Variants in ZNF608 observed in about 807,000 individuals in gnomAD.
ZNF608 encodes the protein zinc finger protein 608.
Under a neutral mutation model 109.0 loss-of-function variants are expected in ZNF608, and 12 were observed. That is an observed-to-expected ratio of 0.11 (90% CI 0.07 to 0.18). The LOEUF is 0.18. ZNF608 is among the 10% of genes least tolerant of loss of function. ZNF608 has a pLI of 1.00. For missense variants in ZNF608, 1,707 were observed against 1,879.3 expected, an observed-to-expected ratio of 0.91 and a Z score of 1.70; for synonymous variants, 732 against 717.4, an observed-to-expected ratio of 1.02 and a Z score of -0.33.
At chr5:124,716,348 A>G (rs1341545741) in intron 2 of ZNF608, among the ~76,000 whole-genome samples, 1 of 151,176 alleles carries the variant, frequency 6.6e-6, no homozygotes, top group Non-Finnish European at 1.5e-5. Flanking sequence ...AAAAAAAAAG[A>G]GGGGATTTCC....
intron 2 of ZNF608, among the ~76,000 whole-genome samples, chr5:124,726,046 C>T (rs182433857): frequency 1.7e-3 from 259 of 152,300 alleles, no homozygotes; most frequent in Non-Finnish European, 3.0e-3. Context: ...ACCCCAGAAA[C>T]GATTTGTGCT....
chr5:124,709,033 G>T (rs1032917315), intron 2 of ZNF608, among the ~76,000 whole-genome samples: 1 of 151,902 alleles, frequency 6.6e-6, no homozygotes, highest in African/African-American at 2.4e-5. Flanking sequence ...TTAGCTGGGC[G>T]TGGTAGCGGC....
chr5:124,678,439 T>C (rs77529047), intron 3 of ZNF608, among the ~76,000 whole-genome samples: 1,833 of 152,268 alleles, frequency 0.012, 33 homozygotes, highest in African/African-American at 0.042. Context: ...TTTTTCTACA[T>C]TCCCCTTCTA....
At chr5:124,690,071 A>G (rs1335223646) in intron 3 of ZNF608, among the ~76,000 whole-genome samples, 1 of 152,240 alleles carries the variant, frequency 6.6e-6, no homozygotes, top group African/African-American at 2.4e-5. Flanking sequence ...TTGAGCCACA[A>G]GAAGACATGG....
chr5:124,699,828 T>A (rs1012241851), intron 3 of ZNF608, among the ~76,000 whole-genome samples: 1 of 152,208 alleles, frequency 6.6e-6, no homozygotes, highest in African/African-American at 2.4e-5. Context: ...CCTTAACTAT[T>A]TTTTCTCAAC....
chr5:124,678,054 A>C (rs781529674), intron 3 of ZNF608, among the ~76,000 whole-genome samples: 29 of 152,348 alleles, frequency 1.9e-4, no homozygotes, highest in Non-Finnish European at 2.6e-4. Flanking sequence ...GGCTTTTGGC[A>C]GCCAACCCTT....
At chr5:124,669,752 T>G (rs1044812764) in intron 3 of ZNF608, among the ~76,000 whole-genome samples, 2 of 152,094 alleles carry the variant, frequency 1.3e-5, no homozygotes, top group East Asian at 3.9e-4. Flanking sequence ...TTCCCAAAAC[T>G]CGCCAGATGA....
At chr5:124,746,736 G>T, upstream of ZNF608, 3 of 985,172 alleles carry the variant, frequency 3.0e-6, no homozygotes, top group Admixed American at 1.8e-4. Context: ...CCTGTTAGTC[G>T]GGAAGTGGCA....
chr5:124,743,080 C>T lies in ZNF608; in HGVS notation c.906+1004G>A, dbSNP rs532361737. Among the ~76,000 whole-genome samples the T allele has an allele frequency of 1.7e-4, 26 of 152,306 alleles. 1 individual carries two copies. The highest frequency in any genetic ancestry group is 6.8e-3 in the Middle Eastern group (2 of 294). On this transcript the variant is annotated intron_variant, in intron 2 of 9. Coordinates refer to ENST00000513986, the MANE Select transcript of ZNF608 (RefSeq NM_020747.3). ...GTTCCCAAACATTAGTCAATGTGGT[C>T]TATGACTAAGCAGCAAAACATGGTG...
intron 3 of ZNF608, among the ~76,000 whole-genome samples, chr5:124,680,528 C>T (rs1752149284): frequency 6.6e-6 from 1 of 152,150 alleles, no homozygotes; most frequent in Non-Finnish European, 1.5e-5. Context: ...AATTGCAACT[C>T]TACAGAAATA....
chr5:124,668,255 G>A (rs1330484868), intron 3 of ZNF608, among the ~76,000 whole-genome samples: 8 of 144,650 alleles, frequency 5.5e-5, no homozygotes, highest in Admixed American at 1.4e-4. Flanking sequence ...TATATATACC[G>A]CAGGATGTAG....
In ZNF608 at chr5:124,646,966, T is replaced by C; in HGVS notation, c.3418A>G (p.Lys1140Glu). ...KSELPLKELG[K>E]EETKQKNMPS... Reference sequence around the variant, plus strand: ...ATATTTTTCTGTTTAGTTTCCTCCTTGCCCAGCTCTTTCAAGGGGAGCTCA... The same window carrying C: ...ATATTTTTCTGTTTAGTTTCCTCCTCGCCCAGCTCTTTCAAGGGGAGCTCA... Residue 1140 changes from lysine to glutamate, a missense_variant, in exon 5 of 10, where the codon AAG (lysine) becomes GAG (glutamate). By Grantham distance (56) the Lys-to-Glu change is moderately conservative (BLOSUM62 1). Transcript: ENST00000513986. 1 of 1,614,138 alleles carries C rather than the reference T, an allele frequency of 6.2e-7. No homozygotes were observed. The highest frequency in any genetic ancestry group is 8.5e-7 in the Non-Finnish European group (1 of 1,180,014).
chr5:124,736,318 AC>A (rs1386668549), intron 2 of ZNF608, among the ~76,000 whole-genome samples: 2 of 152,214 alleles, frequency 1.3e-5, no homozygotes, highest in South Asian at 2.1e-4. Flanking sequence ...AAGAATGAAA[AC>A]CCAAGGCTTC....
At chr5:124,714,673 G>A (rs568375400) in intron 2 of ZNF608, among the ~76,000 whole-genome samples, 14 of 152,242 alleles carry the variant, frequency 9.2e-5, no homozygotes, top group African/African-American at 3.1e-4. Context: ...CATAAAGCCC[G>A]TCGTAGTATC....
chr5:124,709,499 C>T (rs547422943), intron 2 of ZNF608, among the ~76,000 whole-genome samples: 1 of 152,292 alleles, frequency 6.6e-6, no homozygotes, highest in East Asian at 1.9e-4. Context: ...CCCTCAAAGG[C>T]CTTGAACTGT....
At chr5:124,709,831 C>T (rs1172332556) in intron 2 of ZNF608, among the ~76,000 whole-genome samples, 1 of 152,136 alleles carries the variant, frequency 6.6e-6, no homozygotes, top group African/African-American at 2.4e-5. Flanking sequence ...AGGAGACCAT[C>T]GTAAAGGCAC....
intron 2 of ZNF608, among the ~76,000 whole-genome samples, chr5:124,736,364 A>G (rs1056024602): frequency 1.2e-4 from 18 of 152,356 alleles, no homozygotes; most frequent in Admixed American, 2.0e-4. Flanking sequence ...GTTGTTTTTA[A>G]CATGAGCCAT....
At chr5:124,682,532 A>G (rs1752240828) in intron 3 of ZNF608, among the ~76,000 whole-genome samples, 1 of 152,250 alleles carries the variant, frequency 6.6e-6, no homozygotes, top group African/African-American at 2.4e-5. Context: ...TATAGCTATG[A>G]ATAATGCCTA....
chr5:124,722,596 C>G (rs930860482), intron 2 of ZNF608, among the ~76,000 whole-genome samples: 12 of 151,502 alleles, frequency 7.9e-5, no homozygotes, highest in African/African-American at 2.9e-4. Context: ...CACACACACA[C>G]ACACACACAC....
Sources: allele counts gnomAD v4.1 joint callset (sites outside exome capture counted in the v4.1 genomes callset), GRCh38; gene constraint gnomAD v4.1.1; transcripts MANE v1.5; gene names NCBI Gene and HGNC (gene_info 2026-07-23, HGNC 2026-07-21).